DACH2: variants seen among roughly 807,000 people sequenced by gnomAD.
DACH2 encodes the protein dachshund family transcription factor 2.
A neutral mutation model predicts 35.8 loss-of-function variants in DACH2; 17 were observed. That is an observed-to-expected ratio of 0.48 (90% CI 0.33 to 0.71). The LOEUF (loss-of-function observed/expected upper bound fraction) is 0.71, where lower values mean the gene tolerates loss of function less well. Among genes scored for constraint, DACH2 ranks in the 30% least tolerant of loss-of-function variants. DACH2 has a pLI of 0.02. For missense variants in DACH2, 469 were observed against 472.7 expected (o/e 0.99, Z 0.07); for synonymous variants, 195 against 177.3 (o/e 1.10, Z -0.79).
At chrX:86,158,141 C>A (rs893980940) in intron 1 of DACH2, among the ~76,000 whole-genome samples, 1 of 111,606 alleles carries the variant, frequency 9.0e-6, no homozygotes, top group Non-Finnish European at 1.9e-5. Flanking sequence ...TGCGCAGACA[C>A]TGAAGACTTG....
chrX:86,648,797 A>T (rs1234925835), intron 3 of DACH2, among the ~76,000 whole-genome samples: 1 of 111,030 alleles, frequency 9.0e-6, no homozygotes, highest in Non-Finnish European at 1.9e-5. Flanking sequence ...TAAAATAAAA[A>T]ATCAAATAAA....
intron 3 of DACH2, among the ~76,000 whole-genome samples, chrX:86,562,135 C>G (rs1480605878): frequency 9.1e-6 from 1 of 109,859 alleles, no homozygotes; most frequent in Non-Finnish European, 1.9e-5. Context: ...ATGATATTTT[C>G]TCATTTTTCT....
At chrX:86,542,457 G>T (rs2038898423) in intron 3 of DACH2, among the ~76,000 whole-genome samples, 1 of 111,090 alleles carries the variant, frequency 9.0e-6, no homozygotes, top group African/African-American at 3.3e-5. Flanking sequence ...GCAACCTTTG[G>T]GGTGCCCTTT....
intron 5 of DACH2, among the ~76,000 whole-genome samples, chrX:86,705,135 A>T (rs759167218): frequency 9.3e-6 from 1 of 108,076 alleles, no homozygotes; most frequent in Admixed American, 1.0e-4. Context: ...AATTAATTGC[A>T]TCCACAGCAG....
intron 2 of DACH2, among the ~76,000 whole-genome samples, chrX:86,462,144 A>AC (rs1200431827): frequency 9.0e-6 from 1 of 111,656 alleles, no homozygotes; most frequent in Non-Finnish European, 1.9e-5. Context: ...TAATGATAAA[A>AC]AACATGTGCT....
rs868803406 is a variant in DACH2 at position 86,607,751 on chromosome X, C to A, written c.641-43285C>A. Among the ~76,000 whole-genome samples, 65 of 77,656 alleles carry A rather than the reference C, an allele frequency of 8.4e-4. 1 individual carries two copies. Among genetic ancestry groups the A allele is most frequent in the East Asian group, 1.0e-3 (2 of 1,909 alleles). The allele number at this position is 77,656 out of a possible 115,157, so 67.4% of individuals were successfully genotyped here. Reference sequence around the variant, plus strand: ...CAGTGCTATCCCTCCCCCCTCCCCCCACCCCACAACAGTCCCCAGAGTGTG... The same window carrying A: ...CAGTGCTATCCCTCCCCCCTCCCCCAACCCCACAACAGTCCCCAGAGTGTG... On this transcript the variant is annotated intron_variant, in intron 3 of 11. Coordinates refer to ENST00000373125, the MANE Select transcript of DACH2 (RefSeq NM_053281.3).
intron 1 of DACH2, among the ~76,000 whole-genome samples, chrX:86,172,399 T>TA (rs776605357): frequency 1.1e-4 from 12 of 112,137 alleles, no homozygotes; most frequent in African/African-American, 3.6e-4. Flanking sequence ...TTCTAGGAAG[T>TA]AATAGTATCT....
At chrX:86,315,502 G>T (rs192801073) in intron 1 of DACH2, among the ~76,000 whole-genome samples, 5 of 111,395 alleles carry the variant, frequency 4.5e-5, no homozygotes, top group East Asian at 2.9e-4. Flanking sequence ...ATTTTGTAAG[G>T]CTATAGCGGC....
Position 86,316,525 on chromosome X carries a change from A to G in DACH2, c.489-60299A>G, listed in dbSNP as rs751206747. Among the ~76,000 whole-genome samples the G allele has an allele frequency of 7.3e-5, 8 of 110,082 alleles. No homozygotes were observed. In the East Asian group the frequency reaches 2.3e-3, roughly 32 times the overall value. The stretch of plus-strand genomic sequence containing the variant: ...TTAGAAGGAAAGTTTTCTGCAGGGG[A>G]CTCTTTTCACTTGAACTGTCTACCC... On this transcript the variant is annotated intron_variant, in intron 1 of 11. Transcript: ENST00000373125.
chrX:86,301,698 A>G (rs1053938521), intron 1 of DACH2, among the ~76,000 whole-genome samples: 7 of 112,171 alleles, frequency 6.2e-5, no homozygotes, highest in Admixed American at 1.9e-4. Flanking sequence ...AATTAATAAC[A>G]GTAGTAAAAT....
chrX:86,766,681 T>A (rs1296366979), intron 7 of DACH2, among the ~76,000 whole-genome samples: 1 of 112,039 alleles, frequency 8.9e-6, no homozygotes, highest in Non-Finnish European at 1.9e-5. Context: ...CCTCAAACCT[T>A]ATTTATTGAA....
chrX:86,516,936 A>AT (rs780181636), intron 3 of DACH2, among the ~76,000 whole-genome samples: 1 of 110,954 alleles, frequency 9.0e-6, no homozygotes, highest in East Asian at 2.9e-4. Context: ...TATATACCAC[A>AT]TTTTCTTTTT....
At chrX:86,402,259 A>G (rs2036447882) in intron 2 of DACH2, among the ~76,000 whole-genome samples, 1 of 112,125 alleles carries the variant, frequency 8.9e-6, no homozygotes, top group Non-Finnish European at 1.9e-5. Flanking sequence ...CCCTTCACTT[A>G]TGATATAATT....
chrX:86,624,260 A>T (rs1226850696), intron 3 of DACH2, among the ~76,000 whole-genome samples: 2 of 111,170 alleles, frequency 1.8e-5, no homozygotes, highest in Non-Finnish European at 3.8e-5. Flanking sequence ...CATTCCTATC[A>T]GTTCATGTAG....
At chrX:86,589,664 G>T (rs1391268895) in intron 3 of DACH2, among the ~76,000 whole-genome samples, 4 of 111,319 alleles carry the variant, frequency 3.6e-5, no homozygotes, top group South Asian at 3.7e-4. Context: ...ATATTACAGA[G>T]AATAGTTTGA....
chrX:86,185,996 A>T (rs1466287568), intron 1 of DACH2, among the ~76,000 whole-genome samples: 2 of 112,556 alleles, frequency 1.8e-5, no homozygotes, highest in African/African-American at 6.4e-5. Flanking sequence ...ACAAAACCTT[A>T]CAAGTTATTT....
chrX:86,246,126 G>T (rs1411163457), intron 1 of DACH2, among the ~76,000 whole-genome samples: 5 of 111,176 alleles, frequency 4.5e-5, no homozygotes, highest in African/African-American at 1.3e-4. Flanking sequence ...AAAGAAAAAA[G>T]AATAAAATGG....
At chrX:86,815,640 AAT>A (rs2042442338) in intron 10 of DACH2, among the ~76,000 whole-genome samples, 1 of 105,369 alleles carries the variant, frequency 9.5e-6, no homozygotes, top group East Asian at 2.9e-4. Flanking sequence ...CATATATATA[AAT>A]ATGTGTATAT....
intron 2 of DACH2, among the ~76,000 whole-genome samples, chrX:86,420,750 A>C (rs911675413): frequency 1.3e-4 from 14 of 111,555 alleles, no homozygotes; most frequent in African/African-American, 4.6e-4. Flanking sequence ...GAACACAAGA[A>C]ATTGTAAACG....
Sources: allele counts gnomAD v4.1 joint callset (sites outside exome capture counted in the v4.1 genomes callset), GRCh38; gene constraint gnomAD v4.1.1; transcripts MANE v1.5; gene names NCBI Gene and HGNC (gene_info 2026-07-23, HGNC 2026-07-21).